SLC25A13: variants seen among roughly 807,000 people sequenced by gnomAD.
SLC25A13 encodes the protein solute carrier family 25 member 13.
Under a neutral mutation model 85.5 loss-of-function variants are expected in SLC25A13, and 70 were observed. That is an observed-to-expected ratio of 0.82 (90% confidence interval 0.68 to 1.00). The LOEUF is 1.00. Among genes scored for constraint, SLC25A13 ranks in the 50% least tolerant of loss-of-function variants. The probability of loss-of-function intolerance (pLI) is 0.00; values close to 1 mark genes in which losing one functional copy is unlikely to be tolerated. For synonymous variants in SLC25A13, 259 were observed against 288.7 expected (o/e 0.90, Z 1.04); for missense variants, 765 against 819.8 (o/e 0.93, Z 0.82).
At chr7:96,162,074 T>C (rs901015940) in intron 13 of SLC25A13, among the ~76,000 whole-genome samples, 2 of 152,234 alleles carry the variant, frequency 1.3e-5, no homozygotes, top group Non-Finnish European at 2.9e-5. Flanking sequence ...AAGTAAGATA[T>C]GTGCAGAGAC....
At chr7:96,286,986 G>C (rs1187232188) in intron 2 of SLC25A13, among the ~76,000 whole-genome samples, 1 of 152,190 alleles carries the variant, frequency 6.6e-6, no homozygotes, top group Non-Finnish European at 1.5e-5. Context: ...GCAGAGAGAA[G>C]GCTGGGATAT....
intron 5 of SLC25A13, among the ~76,000 whole-genome samples, chr7:96,199,150 T>C (rs1159480012): frequency 6.6e-6 from 1 of 152,098 alleles, no homozygotes; most frequent in Non-Finnish European, 1.5e-5. Context: ...GTTCTGAAGA[T>C]GGAAAAATGA....
intron 5 of SLC25A13, among the ~76,000 whole-genome samples, chr7:96,194,006 C>T (rs1191791415): frequency 1.3e-5 from 2 of 152,140 alleles, no homozygotes; most frequent in Non-Finnish European, 2.9e-5. Context: ...AGAAAACAGC[C>T]TCCCATCAAA....
chr7:96,236,959 G>A (rs561578407), intron 3 of SLC25A13, among the ~76,000 whole-genome samples: 1 of 152,268 alleles, frequency 6.6e-6, no homozygotes, highest in African/African-American at 2.4e-5. Flanking sequence ...TGACGTTAGA[G>A]GGCCAAAAAC....
At chr7:96,169,864 T>C in intron 13 of SLC25A13, 181 bp downstream of exon 13, 3 of 655,114 alleles carry the variant, frequency 4.6e-6, no homozygotes, top group Non-Finnish European at 8.3e-6. Flanking sequence ...GTCAGAAACA[T>C]TTACCCTTCC....
intron 1 of SLC25A13, chr7:96,306,798 C>G (rs913475097): frequency 7.4e-7 from 1 of 1,345,332 alleles, no homozygotes; most frequent in Non-Finnish European, 1.1e-6. Flanking sequence ...GCCCTATCAT[C>G]TCTACCCCCA....
At chr7:96,133,499 A>C (rs952538701) in intron 14 of SLC25A13, among the ~76,000 whole-genome samples, 1 of 152,190 alleles carries the variant, frequency 6.6e-6, no homozygotes, top group Non-Finnish European at 1.5e-5. Flanking sequence ...TCCAAAACTC[A>C]ATACTCTAAG....
At chr7:96,223,789 GA>G (rs56882933) in intron 4 of SLC25A13, among the ~76,000 whole-genome samples, 18,218 of 84,322 alleles carry the variant, frequency 0.22, 1,502 homozygotes, top group Non-Finnish European at 0.26. Context: ...CTCCATCTCT[GA>G]AAAAAAAAAA....
At chr7:96,258,425 AAGAC>A (rs1797722635) in intron 3 of SLC25A13, among the ~76,000 whole-genome samples, 2 of 150,978 alleles carry the variant, frequency 1.3e-5, no homozygotes, top group Non-Finnish European at 1.5e-5. Context: ...ACACCAATAA[AAGAC>A]AGAGAGCCAG....
At chr7:96,300,347 C>G (rs1468068337) in intron 1 of SLC25A13, among the ~76,000 whole-genome samples, 1 of 152,204 alleles carries the variant, frequency 6.6e-6, no homozygotes, top group Non-Finnish European at 1.5e-5. Context: ...GCCCTGACCT[C>G]TCAGCCTCAC....
rs191047573 is a variant in SLC25A13 at position 96,293,757 on chromosome 7, G to A, written c.69+3141C>T. On this transcript the variant is annotated intron_variant, in intron 2 of 17. Coordinates refer to ENST00000265631, the MANE Select transcript of SLC25A13 (RefSeq NM_014251.3). ...ACCATCTCACACCAGTTAGAATGAC[G>A]ATCATTAAAAAGTCAGGAAACAACA... Among the ~76,000 whole-genome samples the A allele has an allele frequency of 1.7e-3, 253 of 152,240 alleles. 3 individuals are homozygous for A. In the East Asian group the frequency reaches 0.043, roughly 26 times the overall value.
intron 4 of SLC25A13, among the ~76,000 whole-genome samples, chr7:96,226,026 GA>G (rs998704864): frequency 2.4e-4 from 34 of 144,600 alleles, no homozygotes; most frequent in African/African-American, 8.5e-4. Flanking sequence ...TTTTTTGGTG[GA>G]AAAAAACACT....
At chr7:96,271,553 C>A (rs1272276720) in intron 3 of SLC25A13, among the ~76,000 whole-genome samples, 3 of 152,176 alleles carry the variant, frequency 2.0e-5, no homozygotes, top group South Asian at 2.1e-4. Flanking sequence ...ACTGAAAAGG[C>A]CAAGGAATTT....
chr7:96,178,508 T>C (rs1449271777), intron 11 of SLC25A13, among the ~76,000 whole-genome samples: 1 of 152,112 alleles, frequency 6.6e-6, no homozygotes, highest in African/African-American at 2.4e-5. Flanking sequence ...CCCCTATTCC[T>C]GTAGCTGAAG....
intron 7 of SLC25A13, 81 bp from the exon 8 acceptor site, chr7:96,189,755 G>A: frequency 9.1e-7 from 1 of 1,098,178 alleles, no homozygotes; most frequent in African/African-American, 1.5e-5. Context: ...GCACTGGAAT[G>A]AGTGAACATC....
intron 1 of SLC25A13, among the ~76,000 whole-genome samples, chr7:96,311,074 A>G (rs1799929905): frequency 6.6e-6 from 1 of 152,234 alleles, no homozygotes; most frequent in Non-Finnish European, 1.5e-5. Context: ...ATATAGACAT[A>G]CATACATACA....
chr7:96,126,027 C>T (rs991527335), intron 15 of SLC25A13, among the ~76,000 whole-genome samples: 4 of 152,234 alleles, frequency 2.6e-5, no homozygotes, highest in Non-Finnish European at 5.9e-5. Flanking sequence ...GTTGCTCCTT[C>T]ATGGCTGGGG....
At chr7:96,303,537 C>A (rs1189531354) in intron 1 of SLC25A13, among the ~76,000 whole-genome samples, 2 of 152,188 alleles carry the variant, frequency 1.3e-5, no homozygotes, top group African/African-American at 4.8e-5. Context: ...CCTTCTTTAT[C>A]TTCCTATACT....
At chr7:96,198,323 G>A (rs958610391) in intron 5 of SLC25A13, among the ~76,000 whole-genome samples, 2 of 152,126 alleles carry the variant, frequency 1.3e-5, no homozygotes, top group South Asian at 4.1e-4. Context: ...TTTTGTCCAG[G>A]TGAAAGGTTT....
Sources: allele counts gnomAD v4.1 joint callset (sites outside exome capture counted in the v4.1 genomes callset), GRCh38; gene constraint gnomAD v4.1.1; transcripts MANE v1.5; gene names NCBI Gene and HGNC (gene_info 2026-07-23, HGNC 2026-07-21).